CHRM3: variants seen among roughly 807,000 people sequenced by gnomAD.
The protein encoded by CHRM3 is cholinergic receptor muscarinic 3, also known as muscarinic acetylcholine receptor M3.
In CHRM3, 11 loss-of-function variants were observed where a neutral mutation model predicts 41.8. The observed-to-expected ratio is 0.26, with a 90% CI of 0.17 to 0.44. CHRM3 has a LOEUF of 0.44. Ranked by LOEUF, CHRM3 falls within the 20% of genes least tolerant of loss-of-function variation. The probability of loss-of-function intolerance (pLI) is 1.00; values close to 1 mark genes in which losing one functional copy is unlikely to be tolerated. For missense variants in CHRM3, 571 were observed against 745.4 expected, an observed-to-expected ratio of 0.77 and a Z score of 2.72; for synonymous variants, 297 against 301.4, an observed-to-expected ratio of 0.99 and a Z score of 0.15.
chr1:239,665,477 C>T (rs933444921), intron 4 of CHRM3, among the ~76,000 whole-genome samples: 2 of 152,126 alleles, frequency 1.3e-5, no homozygotes, highest in Non-Finnish European at 2.9e-5. Flanking sequence ...TAACTGAAAA[C>T]ATAGAATTTG....
chr1:239,830,936 G>A (rs1288298483), intron 6 of CHRM3, among the ~76,000 whole-genome samples: 3 of 151,884 alleles, frequency 2.0e-5, no homozygotes, highest in African/African-American at 4.8e-5. Flanking sequence ...CTGAGGAGGT[G>A]GAAAGTTCCC....
chr1:239,787,181 A>G (rs74574551), intron 5 of CHRM3, among the ~76,000 whole-genome samples: 75 of 152,304 alleles, frequency 4.9e-4, no homozygotes, highest in African/African-American at 1.7e-3. Context: ...AAAGATGGTA[A>G]GTTTAATTTT....
At chr1:239,399,090 T>C (rs1035760276) in intron 1 of CHRM3, among the ~76,000 whole-genome samples, 1 of 152,200 alleles carries the variant, frequency 6.6e-6, no homozygotes, top group Non-Finnish European at 1.5e-5. Context: ...TTTTAGCCAA[T>C]GCAAGATATC....
At chr1:239,862,080 A>C (rs974158272) in intron 6 of CHRM3, among the ~76,000 whole-genome samples, 2 of 152,206 alleles carry the variant, frequency 1.3e-5, no homozygotes, top group African/African-American at 2.4e-5. Flanking sequence ...TCAATATAAA[A>C]GGGTTTGCTT....
intron 3 of CHRM3, among the ~76,000 whole-genome samples, chr1:239,587,000 C>G (rs1663480869): frequency 6.6e-6 from 1 of 152,192 alleles, no homozygotes; most frequent in Non-Finnish European, 1.5e-5. Flanking sequence ...AATCTGGGCT[C>G]CTACTAACTC....
chr1:239,848,714 C>G (rs1674472895), intron 6 of CHRM3, among the ~76,000 whole-genome samples: 1 of 152,048 alleles, frequency 6.6e-6, no homozygotes, highest in Non-Finnish European at 1.5e-5. Context: ...ATTCAGAAGT[C>G]TTTATACCTA....
At chr1:239,636,156 C>A (rs944441757) in intron 4 of CHRM3, among the ~76,000 whole-genome samples, 1 of 151,964 alleles carries the variant, frequency 6.6e-6, no homozygotes, top group South Asian at 2.1e-4. Flanking sequence ...CTAAACCTGG[C>A]GCATGCACAA....
chr1:239,891,105 A>T (rs1480463124), intron 6 of CHRM3, among the ~76,000 whole-genome samples: 1 of 152,150 alleles, frequency 6.6e-6, no homozygotes, highest in Non-Finnish European at 1.5e-5. Flanking sequence ...GTATATGCAT[A>T]TGTGCCCCTT....
At chr1:239,493,312 A>T (rs28626299) in intron 2 of CHRM3, among the ~76,000 whole-genome samples, 1 of 152,196 alleles carries the variant, frequency 6.6e-6, no homozygotes, top group African/African-American at 2.4e-5. Context: ...GGAGGATCCT[A>T]GGTTCCTATT....
intron 2 of CHRM3, among the ~76,000 whole-genome samples, chr1:239,529,664 C>G (rs1670251023): frequency 6.6e-6 from 1 of 150,428 alleles, no homozygotes; most frequent in Admixed American, 6.6e-5. Context: ...ACAACAAAAG[C>G]CTTGTTAATT....
intron 1 of CHRM3, among the ~76,000 whole-genome samples, chr1:239,388,126 T>C (rs1318665329): frequency 6.6e-6 from 1 of 152,060 alleles, no homozygotes; most frequent in Non-Finnish European, 1.5e-5. Context: ...GCAGCAGGGA[T>C]TTGGGAACTG....
intron 6 of CHRM3, among the ~76,000 whole-genome samples, chr1:239,900,354 TC>T (rs1466441227): frequency 6.6e-6 from 1 of 151,900 alleles, no homozygotes; most frequent in Non-Finnish European, 1.5e-5. Flanking sequence ...GACTCTCATT[TC>T]TAATAAGTAC....
At chr1:239,786,427 T>C (rs1433950636) in intron 5 of CHRM3, among the ~76,000 whole-genome samples, 1 of 152,218 alleles carries the variant, frequency 6.6e-6, no homozygotes, top group Admixed American at 6.5e-5. Flanking sequence ...GATATTGTTA[T>C]GATTCCCATC....
intron 1 of CHRM3, among the ~76,000 whole-genome samples, chr1:239,407,417 T>TATATATATATATATATATATAGAGAG: frequency 1.3e-4 from 18 of 134,204 alleles, no homozygotes; most frequent in South Asian, 9.5e-4. Context: ...TATATATATA[T>TATATATATATATATATATATAGAGAG]AGAGAGAGAG....
chr1:239,869,827 CTTATCGATGGAGTA>C (rs1676424270), intron 6 of CHRM3, among the ~76,000 whole-genome samples: 1 of 152,124 alleles, frequency 6.6e-6, no homozygotes, highest in Non-Finnish European at 1.5e-5. Context: ...TTGGTAAATA[CTTATCGATGGAGTA>C]TTCATTTGAC....
chr1:239,759,136 T>C (rs1220193136), intron 5 of CHRM3, among the ~76,000 whole-genome samples: 1 of 151,384 alleles, frequency 6.6e-6, no homozygotes, highest in Non-Finnish European at 1.5e-5. Flanking sequence ...ACTTGAGCAT[T>C]TTCCCCCCTG....
At chr1:239,818,434 T>C (rs1191158913) in intron 5 of CHRM3, among the ~76,000 whole-genome samples, 1 of 152,178 alleles carries the variant, frequency 6.6e-6, no homozygotes, top group East Asian at 1.9e-4. Flanking sequence ...CCCTCACCCT[T>C]TCTGAGCTTC....
intron 1 of CHRM3, among the ~76,000 whole-genome samples, chr1:239,471,047 A>T (rs1381489739): frequency 6.6e-6 from 1 of 152,224 alleles, no homozygotes; most frequent in Non-Finnish European, 1.5e-5. Context: ...CAAATAGATC[A>T]TTTATAGAAA....
At chr1:239,644,271 C>T (rs1185576299) in intron 4 of CHRM3, among the ~76,000 whole-genome samples, 4 of 152,082 alleles carry the variant, frequency 2.6e-5, no homozygotes, top group African/African-American at 4.8e-5. Flanking sequence ...AAGAACAAGT[C>T]GATAATAGAC....
Sources: allele counts gnomAD v4.1 joint callset (sites outside exome capture counted in the v4.1 genomes callset), GRCh38; gene constraint gnomAD v4.1.1; transcripts MANE v1.5; gene names NCBI Gene and HGNC (gene_info 2026-07-23, HGNC 2026-07-21).